Variants in BOC observed in about 807,000 individuals in gnomAD.
BOC encodes the protein BOC cell adhesion associated, oncogene regulated, also known as brother of CDO.
In BOC, 76 loss-of-function variants were observed where a neutral mutation model predicts 112.0. The observed-to-expected ratio is 0.68, with a 90% CI of 0.56 to 0.82. The LOEUF (loss-of-function observed/expected upper bound fraction) is 0.82. BOC is among the 40% of genes least tolerant of loss of function. BOC has a pLI of 0.00. For missense variants in BOC, 1,309 were observed against 1,511.7 expected, an observed-to-expected ratio of 0.87 and a Z score of 2.22; for synonymous variants, 580 against 599.8, an observed-to-expected ratio of 0.97 and a Z score of 0.48.
In BOC at chr3:113,279,829, T is replaced by G. The variant is rs1367463919; in HGVS notation, c.2029T>G (p.Ser677Ala). The G allele has an allele frequency of 6.2e-7, 1 of 1,605,152 alleles. No individual in the cohort carries two copies. The change falls in exon 13 of 20, where the codon TCC becomes GCC. Residue 677 changes from serine to alanine, a missense_variant. Transcript: ENST00000682979. ...VEITGLEKGT[S>A]YKFRVRALNM... ...GTGAGTGTCCCTCTCACCAGGCACC[T>G]CCTACAAGTTTCGAGTCCGGGCTCT...
intron 2 of BOC, among the ~76,000 whole-genome samples, chr3:113,221,378 G>A (rs1260118979): frequency 6.6e-6 from 1 of 152,182 alleles, no homozygotes; most frequent in African/African-American, 2.4e-5. Context: ...GAGAGATAGA[G>A]GAACACATGG....
At position 113,278,979 on chromosome 3, in the gene BOC, G is replaced by C. The variant is rs1039931003; in HGVS notation, c.1816+196G>C. ...CATTGATGCTGGGATTGCTCACTGG[G>C]TGCATCCAGAGAGCAGCAGAGGCCA... On this transcript the variant is annotated intron_variant, in intron 11 of 19. Transcript: ENST00000682979. The surrounding 1 kb of genome is among the most constrained non-coding windows in gnomAD (Gnocchi z 4.2). 3.1e-6 allele frequency: 2 copies of C among 643,620 alleles called. No individual in the cohort carries two copies. Among genetic ancestry groups the C allele is most frequent in the African/African-American group, 3.7e-5 (2 of 54,662 alleles). 39.9% of individuals were successfully genotyped at this position (643,620 alleles called of 1,614,324 possible).
chr3:113,281,507 G>A (rs1191049761), intron 15 of BOC, among the ~76,000 whole-genome samples: 1 of 152,214 alleles, frequency 6.6e-6, no homozygotes, highest in Non-Finnish European at 1.5e-5. Context: ...GATGGGAAAG[G>A]AAGTGGGCAT....
In BOC at chr3:113,274,023, C is replaced by T. The variant is rs111304144; in HGVS notation, c.1235-352C>T. Among the ~76,000 whole-genome samples, 1 of 152,338 alleles carries T rather than the reference C, an allele frequency of 6.6e-6. No individual in the cohort carries two copies. Among genetic ancestry groups the T allele is most frequent in the African/African-American group, 2.4e-5 (1 of 41,580 alleles). On this transcript the variant is annotated intron_variant, in intron 8 of 19. Coordinates refer to ENST00000682979, the MANE Select transcript of BOC (RefSeq NM_001378074.1). This position sits in a 1 kb window ranked among gnomAD's most constrained non-coding sequence, Gnocchi z 4.8. Reference sequence around the variant, plus strand: ...AATTCCACCATGAAGGGACATGTCCCCACCTCCAGCCTAGACCGAGAAGGA... The same window carrying T: ...AATTCCACCATGAAGGGACATGTCCTCACCTCCAGCCTAGACCGAGAAGGA...
intron 2 of BOC, among the ~76,000 whole-genome samples, chr3:113,243,782 C>T (rs1387363050): frequency 1.3e-5 from 2 of 152,192 alleles, no homozygotes; most frequent in African/African-American, 4.8e-5. Flanking sequence ...TTCCAGAACA[C>T]CTTCCCTTAA....
intron 16 of BOC, 39 bp from the exon 17 acceptor site, chr3:113,284,296 C>T (rs1213039825): frequency 6.4e-7 from 1 of 1,573,778 alleles, no homozygotes; most frequent in African/African-American, 1.3e-5. Context: ...TCCCGGGCTA[C>T]CTTGGCCTAA....
chr3:113,277,921 G>A (rs1242273037), intron 9 of BOC, among the ~76,000 whole-genome samples, 174 bp from the exon 10 acceptor site: 1 of 152,208 alleles, frequency 6.6e-6, no homozygotes, highest in Non-Finnish European at 1.5e-5. Flanking sequence ...AGTGAGGTTG[G>A]TGTCCCATAG....
intron 2 of BOC, among the ~76,000 whole-genome samples, chr3:113,224,072 G>A (rs749941290): frequency 1.3e-5 from 2 of 152,214 alleles, no homozygotes; most frequent in Non-Finnish European, 2.9e-5. Flanking sequence ...CTTCCTCCTC[G>A]ATAGTTTGTT....
chr3:113,224,646 A>C (rs1235896730), intron 2 of BOC, among the ~76,000 whole-genome samples: 1 of 152,204 alleles, frequency 6.6e-6, no homozygotes, highest in Non-Finnish European at 1.5e-5. Context: ...ACAGGGTTCC[A>C]ACCCTGAGGA....
intron 2 of BOC, among the ~76,000 whole-genome samples, chr3:113,233,310 A>G (rs577069637): frequency 2.6e-5 from 4 of 152,104 alleles, no homozygotes; most frequent in Admixed American, 2.0e-4. Context: ...CCTGAGACCT[A>G]TTTTGAGTCA....
chr3:113,236,972 G>A (rs1427565723), intron 2 of BOC, among the ~76,000 whole-genome samples: 1 of 152,214 alleles, frequency 6.6e-6, no homozygotes, highest in Non-Finnish European at 1.5e-5. Context: ...GAGGCTCAAA[G>A]ATACTAAGTA....
At chr3:113,261,390 G>T (rs1443740134) in intron 4 of BOC, among the ~76,000 whole-genome samples, 1 of 152,116 alleles carries the variant, frequency 6.6e-6, no homozygotes, top group Non-Finnish European at 1.5e-5. Context: ...TTTTCCTTCT[G>T]CTCTTTCTTC....
chr3:113,280,513 T>G, intron 13 of BOC, 45 bp from the exon 14 acceptor site: 1 of 1,407,970 alleles, frequency 7.1e-7, no homozygotes, highest in South Asian at 1.2e-5. Flanking sequence ...TTTGATGATG[T>G]TTTCTCTGCC....
intron 2 of BOC, among the ~76,000 whole-genome samples, chr3:113,228,709 G>A (rs902164791): frequency 6.6e-6 from 1 of 152,174 alleles, no homozygotes; most frequent in African/African-American, 2.4e-5. Flanking sequence ...GCTGCTCTGA[G>A]CTCCTCTGGG....
At chr3:113,217,304 C>T (rs930442188) in intron 2 of BOC, among the ~76,000 whole-genome samples, 1 of 152,150 alleles carries the variant, frequency 6.6e-6, no homozygotes, top group Non-Finnish European at 1.5e-5. Flanking sequence ...CTGCTTGAAC[C>T]CAGGAGTTCC....
intron 2 of BOC, among the ~76,000 whole-genome samples, chr3:113,245,278 C>T (rs1576396266): frequency 1.3e-5 from 2 of 152,038 alleles, no homozygotes; most frequent in South Asian, 4.1e-4. Flanking sequence ...GAGACAGAGT[C>T]TTGCTCTGTT....
chr3:113,267,764 T>G (rs1307502860), intron 4 of BOC, among the ~76,000 whole-genome samples: 1 of 152,198 alleles, frequency 6.6e-6, no homozygotes. Flanking sequence ...TCTCGCTCTT[T>G]TCGCCCAGGC....
intron 12 of BOC, 41 bp from the exon 13 acceptor site, chr3:113,279,783 A>AT (rs1167650084): frequency 6.4e-7 from 1 of 1,552,786 alleles, no homozygotes; most frequent in African/African-American, 1.4e-5. Context: ...ATCAGAAGGT[A>AT]TTTCCCAGCT....
At chr3:113,247,367 CTGGAAAATTGAGAGGAAACCAAA>C (rs1945046827) in intron 2 of BOC, among the ~76,000 whole-genome samples, 1 of 152,114 alleles carries the variant, frequency 6.6e-6, no homozygotes, top group Admixed American at 6.5e-5. Context: ...AAGCAAGTAT[CTGGAAAATTGAGAGGAAACCAAA>C]AGCTTACTTT....
Sources: allele counts gnomAD v4.1 joint callset (sites outside exome capture counted in the v4.1 genomes callset), GRCh38; gene constraint gnomAD v4.1.1; non-coding constraint Gnocchi (gnomAD v3.1); transcripts MANE v1.5; gene names NCBI Gene and HGNC (gene_info 2026-07-23, HGNC 2026-07-21).